CUL3: variants seen among roughly 807,000 people sequenced by gnomAD.
The protein encoded by CUL3 is cullin 3, also known as cullin-3.
Under a neutral mutation model 89.1 loss-of-function variants are expected in CUL3, and 19 were observed. The ratio of observed to expected loss-of-function variants is 0.21; its 90% CI spans 0.15 to 0.31. The LOEUF (loss-of-function observed/expected upper bound fraction) is 0.31. Among genes scored for constraint, CUL3 ranks in the 10% least tolerant of loss-of-function variants. CUL3 has a pLI of 1.00. For synonymous variants in CUL3, 351 were observed against 308.4 expected, an observed-to-expected ratio of 1.14 and a Z score of -1.45; for missense variants, 469 against 942.3, an observed-to-expected ratio of 0.50 and a Z score of 6.58.
chr2:224,534,202 G>A (rs1311214542), intron 3 of CUL3, among the ~76,000 whole-genome samples: 1 of 151,978 alleles, frequency 6.6e-6, no homozygotes, highest in African/African-American at 2.4e-5. Flanking sequence ...TTTTTTAACT[G>A]GAATTTAATC....
chr2:224,528,610 T>C (rs1693569345), intron 3 of CUL3, among the ~76,000 whole-genome samples: 1 of 152,156 alleles, frequency 6.6e-6, no homozygotes, highest in African/African-American at 2.4e-5. Context: ...AAACTGATGG[T>C]CCTACCTTCT....
At chr2:224,534,082 C>A (rs944664970) in intron 3 of CUL3, among the ~76,000 whole-genome samples, 4 of 152,162 alleles carry the variant, frequency 2.6e-5, no homozygotes, top group African/African-American at 9.7e-5. Flanking sequence ...ATAATTATAT[C>A]CAATACACAA....
intron 1 of CUL3, among the ~76,000 whole-genome samples, chr2:224,582,663 CAAA>C (rs767398319): frequency 2.0e-5 from 3 of 151,414 alleles, no homozygotes; most frequent in Non-Finnish European, 4.4e-5. Flanking sequence ...ACGAAGCTAA[CAAA>C]AAAAAATTCA....
In CUL3 at chr2:224,473,228, T is replaced by C. The variant is rs1482600993; in HGVS notation, c.*1017A>G. 6 of 191,828 alleles carry C rather than the reference T, an allele frequency of 3.1e-5. No individual in the cohort carries two copies. Among genetic ancestry groups the C allele is most frequent in the East Asian group, 8.3e-5 (1 of 12,070 alleles). 11.9% of individuals were successfully genotyped at this position (191,828 alleles called of 1,614,324 possible). ...TCATCATATTTATTGCATCTTTAGA[T>C]TGCATTTTGAAACAGAAAATTAATA... On this transcript the variant is annotated 3_prime_UTR_variant, in exon 16 of 16. Transcript: ENST00000264414.
chr2:224,582,268 T>C (rs1447959245), intron 1 of CUL3, among the ~76,000 whole-genome samples: 2 of 152,142 alleles, frequency 1.3e-5, no homozygotes, highest in Non-Finnish European at 2.9e-5. Context: ...CGCCCGGCCA[T>C]ATTTTTTCTT....
intron 2 of CUL3, among the ~76,000 whole-genome samples, chr2:224,548,431 A>C (rs1295844032): frequency 6.6e-6 from 1 of 152,230 alleles, no homozygotes; most frequent in Non-Finnish European, 1.5e-5. Context: ...AAACCACTAG[A>C]ATAAATGTTC....
At chr2:224,548,332 G>A (rs578008016) in intron 2 of CUL3, among the ~76,000 whole-genome samples, 1 of 152,332 alleles carries the variant, frequency 6.6e-6, no homozygotes, top group East Asian at 1.9e-4. Context: ...AGGTGAGCAG[G>A]ATGAAGCTCC....
rs990059616 is a variant in CUL3 at position 224,471,207 on chromosome 2, G to C, written c.*3038C>G. On this transcript the variant is annotated 3_prime_UTR_variant, in exon 16 of 16. Transcript: ENST00000264414. ...ATAGTAAAATACATGACCTACAATTGATATGCAACAGCTTTCCTTCCAAGA... is the reference window on the plus strand; with the variant it reads ...ATAGTAAAATACATGACCTACAATTCATATGCAACAGCTTTCCTTCCAAGA... 9.5e-6 allele frequency: 2 copies of C among 211,430 alleles called. No homozygotes were observed. The highest frequency in any genetic ancestry group is 1.9e-5 in the Non-Finnish European group (2 of 104,460). 13.1% of individuals were successfully genotyped at this position (211,430 alleles called of 1,614,324 possible).
chr2:224,568,133 G>C (rs530126556), intron 1 of CUL3, among the ~76,000 whole-genome samples: 4 of 152,166 alleles, frequency 2.6e-5, no homozygotes, highest in Non-Finnish European at 4.4e-5. Context: ...AACACAGCTA[G>C]GTGTCATAAC....
rs534506778 is a variant in CUL3 at position 224,519,935 on chromosome 2, G to GA, written c.379-5164dup. ...AGATTTTAAAAATCATTCCAAAAGA[G>GA]AAAAAAAAAAAATTAAAGACTGATT... is the stretch of plus-strand genomic sequence containing the variant. On this transcript the variant is annotated intron_variant, in intron 3 of 15. Transcript: ENST00000264414. Among the ~76,000 whole-genome samples, 385 of 140,028 alleles carry GA rather than the reference G, an allele frequency of 2.7e-3. 3 individuals are homozygous for GA. Among genetic ancestry groups the GA allele is most frequent in the African/African-American group, 7.8e-3 (298 of 38,438 alleles). 91.9% of individuals were successfully genotyped at this position (140,028 alleles called of 152,430 possible).
rs773698882 is a variant in CUL3 at position 224,497,865 on chromosome 2, C to T, written c.1611-16G>A. ...TAAGTAGAACCTTCAGTAAATCAAA[C>T]CAGGTTTTAGAAAATCAAACAAACT... On this transcript the variant is annotated splice_polypyrimidine_tract_variant and intron_variant, in intron 11 of 15. Coordinates refer to ENST00000264414, the MANE Select transcript of CUL3 (RefSeq NM_003590.5). 3 of 1,598,204 alleles carry T rather than the reference C, an allele frequency of 1.9e-6. No homozygotes were observed. The highest frequency in any genetic ancestry group is 2.7e-5 in the African/African-American group (2 of 74,562).
At chr2:224,507,102 T>C in intron 6 of CUL3, 99 bp from the exon 7 acceptor site, 1 of 1,061,984 alleles carries the variant, frequency 9.4e-7, no homozygotes, top group Non-Finnish European at 1.3e-6. Context: ...TATTTCTCCA[T>C]TACCCCCATT....
intron 1 of CUL3, chr2:224,562,654 A>G (rs1694939900): frequency 6.6e-6 from 1 of 151,366 alleles, no homozygotes; most frequent in East Asian, 1.9e-4. Flanking sequence ...AAAAAAAAAA[A>G]GACGACGACA....
At chr2:224,574,986 C>T (rs1395144947) in intron 1 of CUL3, among the ~76,000 whole-genome samples, 1 of 152,160 alleles carries the variant, frequency 6.6e-6, no homozygotes, top group Admixed American at 6.5e-5. Context: ...TCTCAAGAAT[C>T]TTGGCTGTGA....
At chr2:224,519,412 T>C (rs751460534) in intron 3 of CUL3, among the ~76,000 whole-genome samples, 1 of 152,160 alleles carries the variant, frequency 6.6e-6, no homozygotes, top group East Asian at 1.9e-4. Flanking sequence ...CTGGAAGGTG[T>C]AGGCAGAACA....
rs1691114532 is a variant in CUL3 at position 224,471,048 on chromosome 2, CTGGCATATGATAA to C, written c.*3184_*3196del. The stretch of plus-strand genomic sequence containing the variant: ...ATACATAAAATATTCAGAATAGTAT[CTGGCATATGATAA>C]GCACTTAAATGTTAACATTTCTAAT... On this transcript the variant is annotated 3_prime_UTR_variant, in exon 16 of 16. Transcript: ENST00000264414. The C allele has an allele frequency of 4.4e-6, 1 of 225,936 alleles. No individual in the cohort carries two copies. The highest frequency in any genetic ancestry group is 6.5e-5 in the East Asian group (1 of 15,494). The allele number at this position is 225,936 out of a possible 1,614,324, so 14.0% of individuals were successfully genotyped here. A position where few individuals can be genotyped will look rare whatever the true frequency, so the allele number is the denominator to read the frequency against.
chr2:224,548,223 C>G (rs1266324883), intron 2 of CUL3, among the ~76,000 whole-genome samples: 1 of 152,158 alleles, frequency 6.6e-6, no homozygotes, highest in Non-Finnish European at 1.5e-5. Context: ...GTATGTAAGT[C>G]TAAAACGTAA....
rs77592262 is a variant in CUL3 at position 224,558,331 on chromosome 2, G to A, written c.67-475C>T. 8.3e-3 allele frequency among the ~76,000 whole-genome samples: 1,258 copies of A among 152,166 alleles called. 9 individuals are homozygous for A. Among genetic ancestry groups the A allele is most frequent in the African/African-American group, 0.029 (1,201 of 41,518 alleles). ...CACTAACGTTAAGTGCAGCCTTCAT[G>A]CAACCCCACAATTCCACTAGTCAGT... On this transcript the variant is annotated intron_variant, in intron 1 of 15. Transcript: ENST00000264414.
At position 224,474,240 on chromosome 2, in the gene CUL3, G is replaced by C. The variant is rs769508278; in HGVS notation, c.*5C>G. ...CCAAGAATAAATCAAATTTCTGAAC[G>C]CATTTTATGCTACATATGTGTATAC... On this transcript the variant is annotated 3_prime_UTR_variant, in exon 16 of 16. Transcript: ENST00000264414. The C allele has an allele frequency of 1.2e-6, 2 of 1,610,942 alleles. No homozygotes were observed. Among genetic ancestry groups the C allele is most frequent in the African/African-American group, 1.3e-5 (1 of 74,756 alleles).
Sources: allele counts gnomAD v4.1 joint callset (sites outside exome capture counted in the v4.1 genomes callset), GRCh38; gene constraint gnomAD v4.1.1; transcripts MANE v1.5; gene names NCBI Gene and HGNC (gene_info 2026-07-23, HGNC 2026-07-21).